The following HECW1 variants were observed in gnomAD, a reference collection of about 807,000 sequenced individuals.
HECW1 encodes E3 ubiquitin-protein ligase HECW1.
Under a neutral mutation model 182.3 loss-of-function variants are expected in HECW1, and 61 were observed. The observed-to-expected ratio is 0.33, with a 90% CI of 0.27 to 0.41. HECW1 has a LOEUF of 0.41. HECW1 is among the 10% of genes least tolerant of loss of function. The pLI is 1.00. For synonymous variants in HECW1, 859 were observed against 832.6 expected, an observed-to-expected ratio of 1.03 and a Z score of -0.55; for missense variants, 1,739 against 2,108.9, an observed-to-expected ratio of 0.82 and a Z score of 3.44.
At chr7:43,376,847 C>T (rs528119779) in intron 6 of HECW1, among the ~76,000 whole-genome samples, 23 of 150,826 alleles carry the variant, frequency 1.5e-4, no homozygotes, top group Non-Finnish European at 1.6e-4. Flanking sequence ...GCCTGGGTGA[C>T]AGAGCAAGGA....
chr7:43,337,177 C>G (rs1812402861), intron 5 of HECW1, among the ~76,000 whole-genome samples: 2 of 152,200 alleles, frequency 1.3e-5, no homozygotes, highest in Admixed American at 1.3e-4. Context: ...ATGAGTGTCC[C>G]CCTTTCTCTG....
chr7:43,456,209 C>T, intron 12 of HECW1, 88 bp from the exon 13 acceptor site: 1 of 1,362,688 alleles, frequency 7.3e-7, no homozygotes, highest in Non-Finnish European at 1.0e-6. Flanking sequence ...GTGAGTTCTA[C>T]CTGCAGAAGA....
chr7:43,200,206 G>C (rs1210224285), intron 2 of HECW1, among the ~76,000 whole-genome samples: 5 of 152,114 alleles, frequency 3.3e-5, no homozygotes, highest in African/African-American at 9.7e-5. Context: ...CCAAAAAAAG[G>C]CTTTCCTGAA....
rs192902975 is a variant in HECW1, at chr7:43,221,941, G to A, written c.-31-21934G>A. 2.2e-4 allele frequency among the ~76,000 whole-genome samples: 34 copies of A among 152,208 alleles called. 1 individual carries two copies. The highest frequency in any genetic ancestry group is 1.8e-3 in the Admixed American group (28 of 15,288). ...AGACGATTATGAGATGCAGATCCTC[G>A]TTACTCAAAATGTAGTCCTTAGACC... is the stretch of plus-strand genomic sequence containing the variant. On this transcript the variant is annotated intron_variant, in intron 2 of 29. Coordinates refer to ENST00000395891, the MANE Select transcript of HECW1 (RefSeq NM_015052.5).
intron 2 of HECW1, among the ~76,000 whole-genome samples, chr7:43,175,651 A>G (rs2152671111): frequency 6.6e-6 from 1 of 152,336 alleles, no homozygotes; most frequent in Non-Finnish European, 1.5e-5. Context: ...AATAGAGTAA[A>G]TCTAATCTTT....
rs188834313 is a variant in HECW1, at chr7:43,259,339, A to T, written c.27+15407A>T. 5.3e-3 allele frequency among the ~76,000 whole-genome samples: 812 copies of T among 152,028 alleles called. 4 individuals carry two copies. Among genetic ancestry groups the T allele is most frequent in the African/African-American group, 0.019 (788 of 41,404 alleles). On this transcript the variant is annotated intron_variant, in intron 3 of 29. Coordinates refer to ENST00000395891, the MANE Select transcript of HECW1 (RefSeq NM_015052.5). ...GAGGTGGAGGTTGCAGTGAGCTGAG[A>T]TCGCAGTGCTGCGCTCCAGCCTGGG...
chr7:43,392,853 C>A (rs2075091129), intron 6 of HECW1, among the ~76,000 whole-genome samples: 1 of 152,162 alleles, frequency 6.6e-6, no homozygotes, highest in Non-Finnish European at 1.5e-5. Context: ...AACAGAAGAT[C>A]CCCTGCCAGG....
intron 2 of HECW1, among the ~76,000 whole-genome samples, chr7:43,199,678 A>T (rs1289255906): frequency 6.6e-6 from 1 of 152,192 alleles, no homozygotes; most frequent in Non-Finnish European, 1.5e-5. Flanking sequence ...TACAGTTGTG[A>T]TTCATACACA....
chr7:43,164,053 G>C (rs893257869), intron 2 of HECW1, among the ~76,000 whole-genome samples: 13 of 152,172 alleles, frequency 8.5e-5, no homozygotes, highest in African/African-American at 3.1e-4. Flanking sequence ...GGCAGGCAGC[G>C]AAGAGAGCGG....
chr7:43,518,151 G>A (rs1000665570), intron 24 of HECW1, among the ~76,000 whole-genome samples: 2 of 152,120 alleles, frequency 1.3e-5, no homozygotes, highest in Non-Finnish European at 2.9e-5. Flanking sequence ...ACCTTGAGTG[G>A]TAGAGACCTT....
intron 3 of HECW1, among the ~76,000 whole-genome samples, chr7:43,294,311 A>G (rs1010204360): frequency 4.6e-5 from 7 of 152,242 alleles, no homozygotes; most frequent in Admixed American, 1.3e-4. Flanking sequence ...TGACCTGACC[A>G]CAACAGGGAA....
intron 6 of HECW1, among the ~76,000 whole-genome samples, chr7:43,374,476 T>C (rs2074238931): frequency 6.6e-6 from 1 of 151,964 alleles, no homozygotes; most frequent in Non-Finnish European, 1.5e-5. Context: ...AAACAGAAGA[T>C]GAAAATAGAA....
At chr7:43,242,678 A>G (rs745737222) in intron 2 of HECW1, among the ~76,000 whole-genome samples, 1 of 152,160 alleles carries the variant, frequency 6.6e-6, no homozygotes, top group Non-Finnish European at 1.5e-5. Flanking sequence ...AGGCAGGGAC[A>G]TGGCCCTAGT....
chr7:43,269,498 G>C (rs1473544938), intron 3 of HECW1, among the ~76,000 whole-genome samples: 2 of 152,170 alleles, frequency 1.3e-5, no homozygotes, highest in East Asian at 1.9e-4. Context: ...GAACCAGAAA[G>C]ACACATGTGA....
chr7:43,493,644 G>A (rs1192123726), intron 19 of HECW1, among the ~76,000 whole-genome samples: 1 of 152,172 alleles, frequency 6.6e-6, no homozygotes, highest in Non-Finnish European at 1.5e-5. Flanking sequence ...TTGAACAAGT[G>A]CCCTGAAACT....
chr7:43,429,289 CATATATATATATATATAT>C (rs57627873), intron 8 of HECW1, among the ~76,000 whole-genome samples: 9,685 of 106,680 alleles, frequency 0.091, 597 homozygotes, highest in East Asian at 0.23. Flanking sequence ...ATATTATATG[CATATATATATATATATAT>C]ATATATATAT....
At chr7:43,557,186 A>G (rs1184393520) in intron 29 of HECW1, among the ~76,000 whole-genome samples, 3 of 152,212 alleles carry the variant, frequency 2.0e-5, no homozygotes, top group Non-Finnish European at 4.4e-5. Flanking sequence ...AGGTGACAGG[A>G]AGCCCTGAGC....
intron 7 of HECW1, among the ~76,000 whole-genome samples, chr7:43,398,000 T>A (rs1404877664): frequency 6.6e-6 from 1 of 152,250 alleles, no homozygotes; most frequent in Non-Finnish European, 1.5e-5. Flanking sequence ...CTCACACCTG[T>A]AATCCCAGCA....
intron 9 of HECW1, among the ~76,000 whole-genome samples, chr7:43,442,039 C>T (rs893354179): frequency 6.6e-6 from 1 of 152,238 alleles, no homozygotes; most frequent in African/African-American, 2.4e-5. Flanking sequence ...CAACACGATA[C>T]TTTCGTGAAG....
Sources: allele counts gnomAD v4.1 joint callset (sites outside exome capture counted in the v4.1 genomes callset), GRCh38; gene constraint gnomAD v4.1.1; transcripts MANE v1.5; gene names NCBI Gene and HGNC (gene_info 2026-07-23, HGNC 2026-07-21).